The following KHDC1 variants were observed in gnomAD, a reference collection of about 807,000 sequenced individuals.
KHDC1 encodes KH homology domain-containing protein 1.
In KHDC1, 21 loss-of-function variants were observed where a neutral mutation model predicts 24.7. That is an observed-to-expected ratio of 0.85 (90% CI 0.60 to 1.23). The LOEUF is 1.23. Among genes scored for constraint, KHDC1 ranks in the 50% most tolerant of loss-of-function variants. The probability of loss-of-function intolerance (pLI) is 0.00; values close to 1 mark genes in which losing one functional copy is unlikely to be tolerated. For synonymous variants in KHDC1, 98 were observed against 111.7 expected (o/e 0.88, Z 0.77); for missense variants, 274 against 298.5 (o/e 0.92, Z 0.61).
chr6:73,299,779 G>A (rs1582589215), intron 1 of KHDC1: 1 of 152,370 alleles, frequency 6.6e-6, no homozygotes, highest in Admixed American at 6.5e-5. Context: ...GGCCCAGTTT[G>A]ATACAGATCA....
At chr6:73,276,701 C>T (rs1483197380) in intron 2 of KHDC1, among the ~76,000 whole-genome samples, 1 of 152,156 alleles carries the variant, frequency 6.6e-6, no homozygotes, top group Non-Finnish European at 1.5e-5. Context: ...ATCCACACCT[C>T]AGTGCAGTGG....
At chr6:73,292,348 T>C in intron 1 of KHDC1, 1 of 836,796 alleles carries the variant, frequency 1.2e-6, no homozygotes, top group Non-Finnish European at 2.1e-6. Flanking sequence ...AGTATTTAGA[T>C]ACATTCTACA....
chr6:73,242,595 G>A, intron 2 of KHDC1, 65 bp from the exon 2 acceptor site: 1 of 1,606,358 alleles, frequency 6.2e-7, no homozygotes, highest in Non-Finnish European at 8.5e-7. Context: ...GTGAGGGAGG[G>A]CCTAGGCTCT....
chr6:73,263,596 G>A (rs1404041638), intron 2 of KHDC1, among the ~76,000 whole-genome samples: 2 of 93,676 alleles, frequency 2.1e-5, no homozygotes, highest in African/African-American at 6.7e-5. Context: ...TGTTGCCTGG[G>A]GAGGGGTGTC....
At position 73,285,334 on chromosome 6, in the gene KHDC1, C is replaced by CT. The variant is rs750881240; in HGVS notation, c.206+6663dup. ...CTTATTCATGCTTATCATGACTCTTCTTTTTTTTTTTTTTTAAGATGGAAT... is the reference window on the plus strand; with the variant it reads ...CTTATTCATGCTTATCATGACTCTTCTTTTTTTTTTTTTTTTAAGATGGAAT... On this transcript the variant is annotated intron_variant, in intron 2 of 4. Coordinates refer to ENST00000370384, the Ensembl canonical transcript of KHDC1. Among the ~76,000 whole-genome samples, 1,410 of 141,948 alleles carry CT rather than the reference C, an allele frequency of 9.9e-3. 18 individuals carry two copies. The highest frequency in any genetic ancestry group is 0.029 in the African/African-American group (1,140 of 38,962). 93.1% of individuals were successfully genotyped at this position (141,948 alleles called of 152,430 possible).
chr6:73,287,426 C>A (rs1002937294), intron 2 of KHDC1, among the ~76,000 whole-genome samples: 1 of 152,166 alleles, frequency 6.6e-6, no homozygotes, highest in Non-Finnish European at 1.5e-5. Flanking sequence ...GGGCAGCCAA[C>A]AAGGGTACTA....
intron 2 of KHDC1, among the ~76,000 whole-genome samples, chr6:73,249,506 T>G (rs1766739787): frequency 6.6e-6 from 1 of 152,188 alleles, no homozygotes; most frequent in African/African-American, 2.4e-5. Context: ...ATGCACAATC[T>G]TGGTAACCTC....
At chr6:73,299,835 AG>A (rs1767833620) in intron 1 of KHDC1, 1 of 152,134 alleles carries the variant, frequency 6.6e-6, no homozygotes, top group Non-Finnish European at 1.5e-5. Flanking sequence ...CGGAGGGATG[AG>A]AGGAGGGGAT....
exon 5 of KHDC1, chr6:73,241,621 T>C (rs1171459251): frequency 1.2e-6 from 2 of 1,614,054 alleles, no homozygotes; most frequent in African/African-American, 1.3e-5. Flanking sequence ...GTTCCACTTA[T>C]CCTGGGAGCC....
chr6:73,300,935 G>C (rs1404881596), intron 1 of KHDC1: 1 of 151,796 alleles, frequency 6.6e-6, no homozygotes, highest in Non-Finnish European at 1.5e-5. Context: ...CTTGCCCTTC[G>C]GCTGGGCGCG....
At chr6:73,304,211 A>C (rs899853760) in intron 1 of KHDC1, among the ~76,000 whole-genome samples, 1 of 152,154 alleles carries the variant, frequency 6.6e-6, no homozygotes, top group African/African-American at 2.4e-5. Flanking sequence ...TTCTACGGTT[A>C]GGTAAGATGC....
intron 2 of KHDC1, among the ~76,000 whole-genome samples, chr6:73,272,619 A>G (rs1767201017): frequency 6.6e-6 from 1 of 151,430 alleles, no homozygotes; most frequent in Non-Finnish European, 1.5e-5. Flanking sequence ...TACTAAAAAT[A>G]CAAAAAGTTA....
chr6:73,266,994 C>T (rs549976588), intron 2 of KHDC1, among the ~76,000 whole-genome samples: 9 of 152,120 alleles, frequency 5.9e-5, no homozygotes, highest in Non-Finnish European at 8.8e-5. Flanking sequence ...TCGAGACCAG[C>T]GTGGGCAACA....
At chr6:73,262,894 G>T in intron 2 of KHDC1, 1 of 986,626 alleles carries the variant, frequency 1.0e-6, no homozygotes, top group Non-Finnish European at 1.2e-6. Context: ...CAGTGATGCC[G>T]CCGGGAACCC....
Position 73,241,741 on chromosome 6 carries a change from T to C in KHDC1, c.515-13A>G. 1 of 1,613,886 alleles carries C rather than the reference T, an allele frequency of 6.2e-7. No individual in the cohort carries two copies. Among genetic ancestry groups the C allele is most frequent in the Non-Finnish European group, 8.5e-7 (1 of 1,179,914 alleles). On this transcript the variant is annotated splice_polypyrimidine_tract_variant and intron_variant, in intron 4 of 4. Coordinates refer to ENST00000370384, the Ensembl canonical transcript of KHDC1. ...AGCATCTCCAGGCCTGCAAAATAAG[T>C]GCCCAGGGCTAATGAACCAGGGCCC... is the stretch of plus-strand genomic sequence containing the variant.
At chr6:73,309,044 G>A (rs1341014726) in intron 1 of KHDC1, among the ~76,000 whole-genome samples, 2 of 152,110 alleles carry the variant, frequency 1.3e-5, no homozygotes, top group African/African-American at 4.8e-5. Context: ...AGGCGGGTCT[G>A]AAACTCCTGA....
At chr6:73,269,678 G>T (rs1767146131) in intron 2 of KHDC1, 1 of 152,018 alleles carries the variant, frequency 6.6e-6, no homozygotes, top group Non-Finnish European at 1.5e-5. Flanking sequence ...TGTTCCTGAG[G>T]TGTGATTCGA....
intron 2 of KHDC1, 23 bp downstream of exon 1, chr6:73,262,751 G>A: frequency 1.0e-6 from 1 of 985,386 alleles, no homozygotes; most frequent in Non-Finnish European, 1.2e-6. Flanking sequence ...TAAGAAATGT[G>A]CAAGATCTAG....
intron 2 of KHDC1, chr6:73,276,625 C>T (rs12208781): frequency 0.28 from 42,075 of 151,998 alleles, 6,477 homozygotes; most frequent in African/African-American, 0.41. Flanking sequence ...AGTGGTTGCA[C>T]CACCTCACTC....
Sources: gnomAD v4.1 joint callset for allele counts (sites outside exome capture counted in the v4.1 genomes callset) on GRCh38, gnomAD v4.1.1 for gene constraint, MANE v1.5 for transcripts, NCBI Gene and HGNC (gene_info 2026-07-23, HGNC 2026-07-21) for gene names.